NLGN4Y: variants seen among roughly 807,000 people sequenced by gnomAD.
The protein encoded by NLGN4Y is neuroligin-4, Y-linked.
A neutral mutation model predicts 8.4 loss-of-function variants in NLGN4Y; 4 were observed. The observed-to-expected ratio is 0.48, with a 90% CI of 0.23 to 1.09. The LOEUF is 1.09. Among genes scored for constraint, NLGN4Y ranks in the 50% least tolerant of loss-of-function variants. The probability of loss-of-function intolerance (pLI) is 0.19; values close to 1 mark genes in which losing one functional copy is unlikely to be tolerated. For missense variants in NLGN4Y, 90 were observed against 192.3 expected (o/e 0.47, Z 3.15); for synonymous variants, 35 against 75.6 (o/e 0.46, Z 2.78).
intron 2 of NLGN4Y, among the ~76,000 whole-genome samples, chrY:14,700,595 G>A: frequency 3.0e-5 from 1 of 33,135 alleles, no homozygotes; most frequent in African/African-American, 1.2e-4. Context: ...ACTTAAGACC[G>A]TGTTCTGACT....
At chrY:14,758,557 C>G in intron 4 of NLGN4Y, among the ~76,000 whole-genome samples, 2 of 33,780 alleles carry the variant, frequency 5.9e-5, no homozygotes, top group African/African-American at 2.3e-4. Context: ...GAACAGTGCA[C>G]TAAGGCAAAG....
At chrY:14,590,506 G>A (rs2080366662) in intron 1 of NLGN4Y, among the ~76,000 whole-genome samples, 4 of 33,745 alleles carry the variant, frequency 1.2e-4, no homozygotes, top group African/African-American at 4.6e-4. Context: ...CAGCAAGTCG[G>A]TCCAGGGGTC....
intron 4 of NLGN4Y, among the ~76,000 whole-genome samples, chrY:14,792,059 G>A (rs2042987627): frequency 3.0e-5 from 1 of 33,780 alleles, no homozygotes. Flanking sequence ...TGAAATACAT[G>A]TGGTTGGACT....
At chrY:14,725,690 G>A in intron 4 of NLGN4Y, among the ~76,000 whole-genome samples, 1 of 33,611 alleles carries the variant, frequency 3.0e-5, no homozygotes, top group East Asian at 7.9e-4. Flanking sequence ...AACGTGACTC[G>A]TGGACTTTTA....
chrY:14,810,575 G>C (rs2043074426), intron 4 of NLGN4Y, among the ~76,000 whole-genome samples: 1 of 32,129 alleles, frequency 3.1e-5, no homozygotes, highest in South Asian at 7.0e-4. Context: ...ATTGTTTCCA[G>C]GCAGGCCATT....
At chrY:14,606,141 T>C (rs2080446446) in intron 1 of NLGN4Y, among the ~76,000 whole-genome samples, 1 of 34,045 alleles carries the variant, frequency 2.9e-5, no homozygotes. Context: ...TGGGAATAGC[T>C]ATTCTAGACT....
chrY:14,743,806 C>T, intron 4 of NLGN4Y, among the ~76,000 whole-genome samples: 3 of 33,198 alleles, frequency 9.0e-5, no homozygotes, highest in African/African-American at 2.3e-4. Flanking sequence ...ACATCAAAGT[C>T]GGACTCTTAT....
chrY:14,661,527 T>G (rs2080674912), intron 2 of NLGN4Y, among the ~76,000 whole-genome samples: 1 of 32,439 alleles, frequency 3.1e-5, no homozygotes, highest in African/African-American at 1.2e-4. Context: ...ACAAAAAAAT[T>G]GTATTGGCCA....
intron 1 of NLGN4Y, among the ~76,000 whole-genome samples, chrY:14,542,051 A>G (rs2080150920): frequency 3.0e-5 from 1 of 33,655 alleles, no homozygotes. Context: ...AGCTCTATTC[A>G]GGAGACTCAT....
At chrY:14,679,287 G>A (rs1603502643) in intron 2 of NLGN4Y, among the ~76,000 whole-genome samples, 27 of 32,796 alleles carry the variant, frequency 8.2e-4, no homozygotes, top group Admixed American at 7.0e-3. Context: ...TGATATTACA[G>A]TGTAAACCAC....
At chrY:14,638,767 C>T in intron 2 of NLGN4Y, among the ~76,000 whole-genome samples, 1 of 33,589 alleles carries the variant, frequency 3.0e-5, no homozygotes, top group Non-Finnish European at 7.3e-5. Context: ...TATTTTAAGA[C>T]TGTGGAGCAT....
intron 2 of NLGN4Y, among the ~76,000 whole-genome samples, chrY:14,704,792 G>T: frequency 3.1e-5 from 1 of 32,778 alleles, no homozygotes; most frequent in African/African-American, 1.2e-4. Flanking sequence ...ATCAGGTCCT[G>T]GACTTTTTTT....
intron 2 of NLGN4Y, among the ~76,000 whole-genome samples, chrY:14,668,928 C>T (rs2080700912): frequency 3.1e-5 from 1 of 32,108 alleles, no homozygotes; most frequent in South Asian, 7.5e-4. Flanking sequence ...CCCTATTATC[C>T]GGACACCTGC....
chrY:14,679,919 T>G (rs564553807), intron 2 of NLGN4Y, among the ~76,000 whole-genome samples: 113 of 33,038 alleles, frequency 3.4e-3, no homozygotes, highest in African/African-American at 0.012. Flanking sequence ...GAGAGGAGTA[T>G]CTCCTCAAAG....
chrY:14,569,041 C>T (rs749789807), intron 1 of NLGN4Y, among the ~76,000 whole-genome samples: 1 of 33,118 alleles, frequency 3.0e-5, no homozygotes, highest in African/African-American at 1.2e-4. Context: ...AGTAGAAAAG[C>T]GATACATATT....
intron 4 of NLGN4Y, among the ~76,000 whole-genome samples, chrY:14,767,251 G>A (rs2081095861): frequency 3.0e-5 from 1 of 33,497 alleles, no homozygotes. Flanking sequence ...TTTTGTTATT[G>A]ATACAATGCA....
chrY:14,619,816 A>G (rs774154608), intron 1 of NLGN4Y, among the ~76,000 whole-genome samples: 1 of 34,017 alleles, frequency 2.9e-5, no homozygotes, highest in South Asian at 6.6e-4. Flanking sequence ...TGTGGTTCAT[A>G]TGTACCATGG....
chrY:14,627,156 G>C, intron 2 of NLGN4Y, among the ~76,000 whole-genome samples: 1 of 28,731 alleles, frequency 3.5e-5, no homozygotes, highest in Non-Finnish European at 8.3e-5. Flanking sequence ...CAGCACTCCA[G>C]CTTGGGTGAT....
intron 1 of NLGN4Y, among the ~76,000 whole-genome samples, chrY:14,547,598 G>T (rs1034819367): frequency 3.0e-5 from 1 of 33,827 alleles, no homozygotes; most frequent in Admixed American, 2.7e-4. Context: ...GCTGTGTTGT[G>T]TTCAGTGTTA....
Sources: allele counts gnomAD v4.1 joint callset (sites outside exome capture counted in the v4.1 genomes callset), GRCh38; gene constraint gnomAD v4.1.1; transcripts MANE v1.5; gene names NCBI Gene and HGNC (gene_info 2026-07-23, HGNC 2026-07-21).